Variants in SYNE3 observed in about 807,000 individuals in gnomAD.
SYNE3 encodes spectrin repeat containing nuclear envelope family member 3, also known as nesprin-3.
Under a neutral mutation model 111.2 loss-of-function variants are expected in SYNE3, and 100 were observed. The ratio of observed to expected loss-of-function variants is 0.90; its 90% confidence interval spans 0.77 to 1.06. SYNE3 has a LOEUF of 1.06. Among genes scored for constraint, SYNE3 ranks in the 50% least tolerant of loss-of-function variants. The probability of loss-of-function intolerance (pLI) is 0.00; values close to 1 mark genes in which losing one functional copy is unlikely to be tolerated. For missense variants in SYNE3, 1,160 were observed against 1,240.3 expected, an observed-to-expected ratio of 0.94 and a Z score of 0.97; for synonymous variants, 547 against 533.9, an observed-to-expected ratio of 1.02 and a Z score of -0.34.
Position 95,497,794 on chromosome 14 carries a change from G to C in SYNE3, c.-15+18802C>G, listed in dbSNP as rs190072683. ...AAAACTTTATTTACAAAAACAGGTG[G>C]CATTTGACCAGCAGGCCACAGTTTG... On this transcript the variant is annotated intron_variant, in intron 1 of 17. Coordinates refer to ENST00000682763, the MANE Select transcript of SYNE3 (RefSeq NM_152592.6). Among the ~76,000 whole-genome samples, 4 of 152,098 alleles carry C rather than the reference G, an allele frequency of 2.6e-5. No homozygotes were observed. In the South Asian group the frequency reaches 8.3e-4, roughly 32 times the overall value.
chr14:95,457,367 G>A, intron 4 of SYNE3, 29 bp from the exon 5 acceptor site: 1 of 1,608,826 alleles, frequency 6.2e-7, no homozygotes, highest in Non-Finnish European at 8.5e-7. Flanking sequence ...CACCAGCCAT[G>A]AGGGTCCCCA....
At chr14:95,473,303 C>T (rs1011462532) in intron 2 of SYNE3, among the ~76,000 whole-genome samples, 19 of 151,980 alleles carry the variant, frequency 1.3e-4, no homozygotes, top group Non-Finnish European at 2.6e-4. Context: ...TAAGGACCAC[C>T]CTTGACTTTG....
intron 1 of SYNE3, among the ~76,000 whole-genome samples, chr14:95,492,338 G>GCCAAAAA (rs1039977599): frequency 1.8e-4 from 27 of 152,256 alleles, no homozygotes; most frequent in Admixed American, 5.9e-4. Context: ...GTTCATGATA[G>GCCAAAAA]CCAAAAAAAG....
intron 1 of SYNE3, among the ~76,000 whole-genome samples, chr14:95,481,642 G>A (rs990713053): frequency 5.3e-5 from 8 of 152,178 alleles, no homozygotes; most frequent in South Asian, 2.1e-4. Flanking sequence ...TAGGGGAGCC[G>A]GGACAATGCA....
chr14:95,467,964 T>C lies in SYNE3; in HGVS notation c.148A>G (p.Ile50Val). Residue 50 changes from isoleucine to valine, a missense_variant, in exon 3 of 18, where the codon ATA (isoleucine) becomes GTA (valine). Ile to Val is a conservative substitution (Grantham distance 29, BLOSUM62 3). Coordinates refer to ENST00000682763, the MANE Select transcript of SYNE3 (RefSeq NM_152592.6). ...CGCCCCTCGGGCTCCAGCTGGCATA[T>C]TTTCTGTTGTGGACACACAAGCCAG... ...LEARLWETEK[I>V]CQLEPEGRVR... 1 of 1,610,022 alleles carries C rather than the reference T, an allele frequency of 6.2e-7. No individual in the cohort carries two copies. Among genetic ancestry groups the C allele is most frequent in the Non-Finnish European group, 8.5e-7 (1 of 1,177,478 alleles).
chr14:95,505,214 C>CG (rs1890487145), intron 1 of SYNE3, among the ~76,000 whole-genome samples: 1 of 152,236 alleles, frequency 6.6e-6, no homozygotes, highest in Admixed American at 6.5e-5. Flanking sequence ...CGCTGAACCC[C>CG]GGGAAATGGC....
intron 16 of SYNE3, among the ~76,000 whole-genome samples, chr14:95,432,587 A>G (rs1221974916): frequency 6.6e-6 from 1 of 151,992 alleles, no homozygotes; most frequent in African/African-American, 2.4e-5. Context: ...AAGGGCTGTT[A>G]TAAGGACATA....
chr14:95,437,427 C>T (rs1478360131), intron 14 of SYNE3, among the ~76,000 whole-genome samples: 1 of 152,238 alleles, frequency 6.6e-6, no homozygotes, highest in African/African-American at 2.4e-5. Flanking sequence ...GAGCCTGGGC[C>T]TGCAGATGTG....
rs1903555544 is a variant in SYNE3, at chr14:95,415,583, C to T, written c.*2243G>A. ...GTAGAAATAAGTTAAACTGAAGCAG[C>T]TTGAGGGAAGGAACTTGATGGAAGG... On this transcript the variant is annotated 3_prime_UTR_variant, in exon 18 of 18. Transcript: ENST00000682763. 1 of 151,742 alleles carries T rather than the reference C, an allele frequency of 6.6e-6. No individual in the cohort carries two copies. Among genetic ancestry groups the T allele is most frequent in the Admixed American group, 6.6e-5 (1 of 15,242 alleles). 9.4% of individuals were successfully genotyped at this position (151,742 alleles called of 1,614,324 possible). A position where few individuals can be genotyped will look rare whatever the true frequency, so the allele number is the denominator to read the frequency against.
chr14:95,473,523 A>G (rs934415153), intron 2 of SYNE3, among the ~76,000 whole-genome samples: 4 of 152,056 alleles, frequency 2.6e-5, no homozygotes, highest in Admixed American at 1.3e-4. Context: ...ACCCAGACCC[A>G]CACAAAAAAG....
At chr14:95,497,679 G>T (rs1487953320) in intron 1 of SYNE3, among the ~76,000 whole-genome samples, 4 of 152,158 alleles carry the variant, frequency 2.6e-5, no homozygotes, top group Non-Finnish European at 4.4e-5. Context: ...CAAGCCATAT[G>T]GTCTCCGTCA....
At chr14:95,473,833 G>A (rs868440909) in intron 2 of SYNE3, among the ~76,000 whole-genome samples, 23 of 145,564 alleles carry the variant, frequency 1.6e-4, no homozygotes, top group Middle Eastern at 3.6e-3. Flanking sequence ...GTGAGCTTGC[G>A]AGGTGTGACA....
chr14:95,498,338 TTC>T (rs1890185873), intron 1 of SYNE3, among the ~76,000 whole-genome samples: 1 of 152,124 alleles, frequency 6.6e-6, no homozygotes, highest in South Asian at 2.1e-4. Flanking sequence ...TTCCATTCAT[TTC>T]ACCAGAAATC....
intron 4 of SYNE3, among the ~76,000 whole-genome samples, chr14:95,461,458 G>T (rs2139458364): frequency 6.6e-6 from 1 of 152,294 alleles, no homozygotes; most frequent in East Asian, 1.9e-4. Context: ...CTCCCCTCTG[G>T]GCTTAGCCTT....
At chr14:95,487,805 C>T (rs1889622759) in intron 1 of SYNE3, among the ~76,000 whole-genome samples, 1 of 152,096 alleles carries the variant, frequency 6.6e-6, no homozygotes, top group Admixed American at 6.5e-5. Context: ...TGGGATGACA[C>T]AGAAAATACA....
At chr14:95,474,750 G>A (rs546958012) in intron 2 of SYNE3, among the ~76,000 whole-genome samples, 2 of 152,316 alleles carry the variant, frequency 1.3e-5, no homozygotes, top group African/African-American at 2.4e-5. Context: ...GCACAGAATC[G>A]AGAAGACAGC....
chr14:95,495,164 A>G (rs966051515), intron 1 of SYNE3, among the ~76,000 whole-genome samples: 3 of 152,166 alleles, frequency 2.0e-5, no homozygotes, highest in Non-Finnish European at 4.4e-5. Context: ...ATGGGTTCAG[A>G]TAGAAGGGTC....
intron 7 of SYNE3, chr14:95,450,861 G>A (rs1887033163): frequency 6.6e-6 from 1 of 152,122 alleles, no homozygotes; most frequent in Admixed American, 6.5e-5. Context: ...ATCATTCTAA[G>A]TGTTAGATGA....
At chr14:95,438,007 G>C (rs1010924797) in intron 14 of SYNE3, 1 of 152,210 alleles carries the variant, frequency 6.6e-6, no homozygotes, top group Non-Finnish European at 1.5e-5. Context: ...TAGAAATGCA[G>C]AATCGAATTG....
Sources: allele counts gnomAD v4.1 joint callset (sites outside exome capture counted in the v4.1 genomes callset), GRCh38; gene constraint gnomAD v4.1.1; transcripts MANE v1.5; gene names NCBI Gene and HGNC (gene_info 2026-07-23, HGNC 2026-07-21).